The following TMEM163 variants were observed in gnomAD, a reference collection of about 807,000 sequenced individuals.
The protein encoded by TMEM163 is transmembrane protein 163.
Under a neutral mutation model 29.3 loss-of-function variants are expected in TMEM163, and 17 were observed. The observed-to-expected ratio is 0.58, with a 90% CI of 0.40 to 0.87. The LOEUF (loss-of-function observed/expected upper bound fraction) is 0.87, where lower values mean the gene tolerates loss of function less well. Among genes scored for constraint, TMEM163 ranks in the 40% least tolerant of loss-of-function variants. The pLI is 0.00. For synonymous variants in TMEM163, 157 were observed against 160.6 expected, an observed-to-expected ratio of 0.98 and a Z score of 0.17; for missense variants, 303 against 381.5, an observed-to-expected ratio of 0.79 and a Z score of 1.71.
At chr2:134,541,915 T>C (rs1481056018) in intron 4 of TMEM163, among the ~76,000 whole-genome samples, 1 of 152,210 alleles carries the variant, frequency 6.6e-6, no homozygotes, top group Non-Finnish European at 1.5e-5. Context: ...CTCAACTGTT[T>C]ACAATAAACA....
chr2:134,582,955 T>A (rs144332556), intron 2 of TMEM163, among the ~76,000 whole-genome samples: 223 of 152,264 alleles, frequency 1.5e-3, no homozygotes, highest in African/African-American at 5.2e-3. Context: ...TGCTAAGAGA[T>A]CTCTACTCTG....
At chr2:134,634,022 A>AT (rs1683047947) in intron 2 of TMEM163, among the ~76,000 whole-genome samples, 1 of 121,394 alleles carries the variant, frequency 8.2e-6, no homozygotes, top group Non-Finnish European at 1.7e-5. Flanking sequence ...TATATATATA[A>AT]TAGGACTGTT....
intron 3 of TMEM163, among the ~76,000 whole-genome samples, chr2:134,550,912 C>T (rs1262464359): frequency 6.6e-6 from 1 of 152,192 alleles, no homozygotes. Context: ...AGATATAGAG[C>T]GGAAGGTGGG....
chr2:134,717,474 C>T (rs1685061049), intron 1 of TMEM163, among the ~76,000 whole-genome samples: 1 of 152,124 alleles, frequency 6.6e-6, no homozygotes, highest in Non-Finnish European at 1.5e-5. Flanking sequence ...TGGGAACTGC[C>T]GTTTCCATGT....
At chr2:134,696,466 AT>A (rs1277686664) in intron 2 of TMEM163, among the ~76,000 whole-genome samples, 2 of 152,224 alleles carry the variant, frequency 1.3e-5, no homozygotes, top group Admixed American at 6.5e-5. Flanking sequence ...GTGAAATTGC[AT>A]GTATTAGGGT....
At chr2:134,622,235 T>C (rs1023901498) in intron 2 of TMEM163, among the ~76,000 whole-genome samples, 1 of 152,216 alleles carries the variant, frequency 6.6e-6, no homozygotes, top group African/African-American at 2.4e-5. Context: ...ATAATGGTGA[T>C]ACACAAGTTT....
Position 134,713,312 on chromosome 2 carries a change from T to C in TMEM163, c.210A>G (p.Leu70=), listed in dbSNP as rs1333091285. The C allele has an allele frequency of 2.5e-6, 4 of 1,613,746 alleles. No individual in the cohort carries two copies. Among genetic ancestry groups the C allele is most frequent in the South Asian group, 1.1e-5 (1 of 91,010 alleles). Residue 70 remains leucine (L), a synonymous_variant, in exon 2 of 8, where the codon CTA becomes CTG. Transcript: ENST00000281924. The part of the protein sequence containing the change: ...FSDGLEDRGL[L]ESSTRLKPHE... Reference sequence around the variant, plus strand: ...GAGGTTTCAGGCGGGTGCTGCTTTCTAGTAAGCCTGACAAAAACAAGGAGA... The same window carrying C: ...GAGGTTTCAGGCGGGTGCTGCTTTCCAGTAAGCCTGACAAAAACAAGGAGA...
chr2:134,682,360 C>A (rs565817245), intron 2 of TMEM163, among the ~76,000 whole-genome samples: 1 of 152,300 alleles, frequency 6.6e-6, no homozygotes, highest in Admixed American at 6.5e-5. Context: ...AGAACACACA[C>A]AGGTCATGCT....
intron 2 of TMEM163, among the ~76,000 whole-genome samples, chr2:134,578,729 C>T (rs1192026351): frequency 2.0e-5 from 3 of 152,046 alleles, no homozygotes; most frequent in Non-Finnish European, 4.4e-5. Context: ...AATCTCATGG[C>T]CTAAGAGATA....
At chr2:134,699,578 C>A (rs1431943137) in intron 2 of TMEM163, among the ~76,000 whole-genome samples, 1 of 152,038 alleles carries the variant, frequency 6.6e-6, no homozygotes, top group Non-Finnish European at 1.5e-5. Context: ...CTGATATATT[C>A]TACATCACAT....
At chr2:134,678,932 T>C (rs758473965) in intron 2 of TMEM163, among the ~76,000 whole-genome samples, 2 of 152,234 alleles carry the variant, frequency 1.3e-5, no homozygotes, top group Non-Finnish European at 2.9e-5. Flanking sequence ...CTGCTGAATG[T>C]CAGTCTTTCA....
intron 4 of TMEM163, among the ~76,000 whole-genome samples, chr2:134,504,025 C>T (rs2012388): frequency 0.018 from 2,737 of 152,302 alleles, 82 homozygotes; most frequent in East Asian, 0.15. Context: ...GATGTCTCCA[C>T]CATTTGGTGG....
rs139336144 is a variant in TMEM163, at chr2:134,491,209, C to T, written c.555+11692G>A. Among the ~76,000 whole-genome samples, 231 of 152,294 alleles carry T rather than the reference C, an allele frequency of 1.5e-3. 1 individual carries two copies. In the Middle Eastern group the frequency reaches 0.017, roughly 11 times the overall value. On this transcript the variant is annotated intron_variant, in intron 5 of 7. Transcript: ENST00000281924. ...CTGATACTCCCATACCCATCTCTGACGAACACCAGTGTCCTGAATACACAG... is the reference window on the plus strand; with the variant it reads ...CTGATACTCCCATACCCATCTCTGATGAACACCAGTGTCCTGAATACACAG...
chr2:134,697,782 CATTT>C (rs1329058324), intron 2 of TMEM163, among the ~76,000 whole-genome samples: 20 of 152,046 alleles, frequency 1.3e-4, no homozygotes, highest in African/African-American at 3.9e-4. Context: ...TGAGCATGTT[CATTT>C]ATTTATTTAT....
intron 2 of TMEM163, among the ~76,000 whole-genome samples, chr2:134,573,981 G>A (rs752920198): frequency 6.6e-6 from 1 of 152,176 alleles, no homozygotes; most frequent in Non-Finnish European, 1.5e-5. Flanking sequence ...CTATTATGTG[G>A]CCTGTGTTCC....
intron 2 of TMEM163, among the ~76,000 whole-genome samples, chr2:134,600,758 C>T (rs1682209857): frequency 6.6e-6 from 1 of 152,186 alleles, no homozygotes; most frequent in African/African-American, 2.4e-5. Context: ...GAGGCCAGCA[C>T]ATGGCAAAAG....
intron 5 of TMEM163, among the ~76,000 whole-genome samples, chr2:134,481,893 G>A (rs111898265): frequency 5.3e-5 from 8 of 152,258 alleles, no homozygotes; most frequent in African/African-American, 1.4e-4. Flanking sequence ...GCAAGACCTC[G>A]GGGGTCAGGA....
At chr2:134,525,138 G>T (rs890235537) in intron 4 of TMEM163, among the ~76,000 whole-genome samples, 6 of 152,224 alleles carry the variant, frequency 3.9e-5, no homozygotes, top group African/African-American at 1.4e-4. Flanking sequence ...GGTGATTCCT[G>T]TGTGTAGTGA....
At chr2:134,583,311 C>T (rs1681736897) in intron 2 of TMEM163, among the ~76,000 whole-genome samples, 1 of 152,210 alleles carries the variant, frequency 6.6e-6, no homozygotes, top group Non-Finnish European at 1.5e-5. Flanking sequence ...GACACATGGA[C>T]ACATTTAGAC....
Sources: gnomAD v4.1 joint callset for allele counts (sites outside exome capture counted in the v4.1 genomes callset) on GRCh38, gnomAD v4.1.1 for gene constraint, MANE v1.5 for transcripts, NCBI Gene and HGNC (gene_info 2026-07-23, HGNC 2026-07-21) for gene names.